The following CDC42EP3 variants were observed in gnomAD, a reference collection of about 807,000 sequenced individuals.
CDC42EP3 encodes the protein CDC42 effector protein (Rho GTPase binding) 3.
A neutral mutation model predicts 15.5 loss-of-function variants in CDC42EP3; 4 were observed. The observed-to-expected ratio is 0.26, with a 90% CI of 0.13 to 0.59. The LOEUF is 0.59. Ranked by LOEUF, CDC42EP3 falls within the 20% of genes least tolerant of loss-of-function variation. The pLI, the probability that CDC42EP3 is intolerant of heterozygous loss-of-function variation, is 0.89. For missense variants in CDC42EP3, 309 were observed against 311.2 expected (o/e 0.99, Z 0.05); for synonymous variants, 145 against 130.3 (o/e 1.11, Z -0.77).
intron 1 of CDC42EP3, among the ~76,000 whole-genome samples, chr2:37,647,195 A>T (rs1290491811): frequency 6.6e-6 from 1 of 152,254 alleles, no homozygotes; most frequent in East Asian, 1.9e-4. Flanking sequence ...GCATACTAGC[A>T]ACACTAATAT....
chr2:37,649,528 G>T (rs1665597403), intron 1 of CDC42EP3, among the ~76,000 whole-genome samples: 1 of 148,796 alleles, frequency 6.7e-6, no homozygotes, highest in African/African-American at 2.5e-5. Context: ...CACTCTGACT[G>T]GATCATTCAC....
intron 1 of CDC42EP3, among the ~76,000 whole-genome samples, chr2:37,670,926 CA>C (rs747325200): frequency 7.9e-5 from 12 of 152,088 alleles, no homozygotes; most frequent in African/African-American, 2.9e-4. Flanking sequence ...CGTCAAAAAA[CA>C]AAAAAGTCAA....
At chr2:37,665,642 A>C (rs1217222926) in intron 1 of CDC42EP3, among the ~76,000 whole-genome samples, 4 of 152,188 alleles carry the variant, frequency 2.6e-5, no homozygotes, top group African/African-American at 9.7e-5. Context: ...TATCATTGGC[A>C]TGATGTGTCT....
intron 1 of CDC42EP3, among the ~76,000 whole-genome samples, chr2:37,658,469 G>A (rs1190365140): frequency 6.6e-6 from 1 of 152,160 alleles, no homozygotes; most frequent in Admixed American, 6.5e-5. Context: ...CCTTCCCAGA[G>A]AGTTTGAAAA....
chr2:37,668,740 A>G lies in CDC42EP3; in HGVS notation c.-236+2686T>C, dbSNP rs142394400. Among the ~76,000 whole-genome samples the G allele has an allele frequency of 2.6e-3, 398 of 152,370 alleles. 4 individuals carry two copies. The highest frequency in any genetic ancestry group is 9.0e-3 in the African/African-American group (375 of 41,576). On this transcript the variant is annotated intron_variant, in intron 1 of 1. Coordinates refer to ENST00000295324, the MANE Select transcript of CDC42EP3 (RefSeq NM_006449.5). ...TCTACACCAGCAAAATGGGGATACAACGGTTCTTTCATTAGATGATTGCTA... is the reference window on the plus strand; with the variant it reads ...TCTACACCAGCAAAATGGGGATACAGCGGTTCTTTCATTAGATGATTGCTA...
chr2:37,652,379 A>G (rs1427412746), intron 1 of CDC42EP3, among the ~76,000 whole-genome samples: 1 of 152,040 alleles, frequency 6.6e-6, no homozygotes, highest in Non-Finnish European at 1.5e-5. Context: ...GGAAAGGCTT[A>G]CAGGCCGGAA....
chr2:37,657,940 G>T (rs1665931284), intron 1 of CDC42EP3, among the ~76,000 whole-genome samples: 1 of 152,206 alleles, frequency 6.6e-6, no homozygotes, highest in Non-Finnish European at 1.5e-5. Context: ...AGAAATCCCA[G>T]TAAAGGTGCT....
intron 1 of CDC42EP3, among the ~76,000 whole-genome samples, chr2:37,662,931 G>A (rs1355851738): frequency 6.6e-6 from 1 of 152,190 alleles, no homozygotes; most frequent in Non-Finnish European, 1.5e-5. Context: ...TTGGGAGGCC[G>A]AGGCGGGCGG....
chr2:37,665,147 C>T (rs952736502), intron 1 of CDC42EP3, among the ~76,000 whole-genome samples: 1 of 150,980 alleles, frequency 6.6e-6, no homozygotes, highest in Non-Finnish European at 1.5e-5. Flanking sequence ...ATAAAGATAA[C>T]TTAAATGTAG....
chr2:37,671,854 A>G (rs1311791986), upstream of CDC42EP3: 2 of 151,256 alleles, frequency 1.3e-5, no homozygotes, highest in Admixed American at 6.6e-5. Flanking sequence ...TCGGAGGACA[A>G]TGGGCGCCCA....
At chr2:37,658,913 C>T (rs867785056) in intron 1 of CDC42EP3, among the ~76,000 whole-genome samples, 21 of 152,224 alleles carry the variant, frequency 1.4e-4, no homozygotes, top group African/African-American at 5.1e-4. Context: ...AACCTTATCA[C>T]TCTCTGCTTT....
rs930510504 is a variant in CDC42EP3, at chr2:37,643,437, G to C, written c.*2386C>G. ...CTCAATTATACCTAATTCAATTAAT[G>C]GAAGAAAATGTACATGAAAGAACTC... On this transcript the variant is annotated 3_prime_UTR_variant, in exon 2 of 2. Transcript: ENST00000295324. The C allele has an allele frequency of 1.3e-5, 2 of 152,146 alleles. No individual in the cohort carries two copies. Among genetic ancestry groups the C allele is most frequent in the African/African-American group, 4.8e-5 (2 of 41,432 alleles). The allele number at this position is 152,146 out of a possible 1,614,324, so 9.4% of individuals were successfully genotyped here.
chr2:37,655,681 C>T (rs556556038), intron 1 of CDC42EP3, among the ~76,000 whole-genome samples: 1 of 152,294 alleles, frequency 6.6e-6, no homozygotes, highest in African/African-American at 2.4e-5. Context: ...GGATGTGAAT[C>T]TCTGATAAGG....
At chr2:37,664,190 A>G (rs1052321805) in intron 1 of CDC42EP3, among the ~76,000 whole-genome samples, 1 of 152,086 alleles carries the variant, frequency 6.6e-6, no homozygotes, top group Non-Finnish European at 1.5e-5. Flanking sequence ...AAACAAAACA[A>G]AACAAGCAGG....
intron 1 of CDC42EP3, among the ~76,000 whole-genome samples, chr2:37,659,818 A>G (rs946482632): frequency 1.3e-5 from 2 of 152,242 alleles, no homozygotes; most frequent in African/African-American, 2.4e-5. Context: ...TCAATGTGTG[A>G]CTGGCACAGA....
At chr2:37,648,865 G>A (rs942670726) in intron 1 of CDC42EP3, among the ~76,000 whole-genome samples, 1 of 151,934 alleles carries the variant, frequency 6.6e-6, no homozygotes, top group African/African-American at 2.4e-5. Flanking sequence ...TGGGCACAGT[G>A]TGGCTGACTG....
chr2:37,666,204 G>C (rs1272622914), intron 1 of CDC42EP3, among the ~76,000 whole-genome samples: 1 of 152,194 alleles, frequency 6.6e-6, no homozygotes, highest in Non-Finnish European at 1.5e-5. Flanking sequence ...GTTTCCCAGA[G>C]TGTGTTTCCT....
chr2:37,664,758 A>G (rs1558343623), intron 1 of CDC42EP3, among the ~76,000 whole-genome samples: 1 of 152,198 alleles, frequency 6.6e-6, no homozygotes, highest in Admixed American at 6.5e-5. Flanking sequence ...ACTTGCGTCA[A>G]TCAGGAACAT....
chr2:37,651,040 C>T (rs1157955531), intron 1 of CDC42EP3, among the ~76,000 whole-genome samples: 1 of 152,072 alleles, frequency 6.6e-6, no homozygotes, highest in African/African-American at 2.4e-5. Context: ...TTAAGCGTAT[C>T]CTTCCAAATA....
Sources: gnomAD v4.1 joint callset for allele counts (sites outside exome capture counted in the v4.1 genomes callset) on GRCh38, gnomAD v4.1.1 for gene constraint, MANE v1.5 for transcripts, NCBI Gene and HGNC (gene_info 2026-07-23, HGNC 2026-07-21) for gene names.